Variants in CDH13 observed in about 807,000 individuals in gnomAD.
The protein encoded by CDH13 is cadherin 13, also known as cadherin-13.
CDH13 carries 24 observed loss-of-function variants against 63.8 expected under a neutral mutation model. The ratio of observed to expected loss-of-function variants is 0.38; its 90% confidence interval spans 0.27 to 0.53. The LOEUF (loss-of-function observed/expected upper bound fraction) is 0.53, where lower values mean the gene tolerates loss of function less well. CDH13 is among the 20% of genes least tolerant of loss of function. The pLI is 0.85. For synonymous variants in CDH13, 503 were observed against 355.3 expected (o/e 1.42, Z -4.67); for missense variants, 1,049 against 903.1 (o/e 1.16, Z -2.07).
chr16:83,230,411 C>T (rs1019354265), intron 5 of CDH13, among the ~76,000 whole-genome samples: 1 of 152,128 alleles, frequency 6.6e-6, no homozygotes, highest in African/African-American at 2.4e-5. Context: ...GGAAGAAGTT[C>T]TAGATCATAC....
intron 11 of CDH13, among the ~76,000 whole-genome samples, chr16:83,767,277 C>T (rs1914455111): frequency 6.6e-6 from 1 of 151,946 alleles, no homozygotes; most frequent in African/African-American, 2.4e-5. Context: ...TAATAATCCC[C>T]AAGTGTCGAG....
intron 3 of CDH13, among the ~76,000 whole-genome samples, chr16:83,107,363 G>A (rs1334027102): frequency 6.6e-6 from 1 of 152,078 alleles, no homozygotes; most frequent in Admixed American, 6.5e-5. Flanking sequence ...TCCTCAGCTA[G>A]TATAAATAGT....
At chr16:83,620,037 C>T (rs375612225) in intron 8 of CDH13, among the ~76,000 whole-genome samples, 1 of 151,082 alleles carries the variant, frequency 6.6e-6, no homozygotes, top group Non-Finnish European at 1.5e-5. Flanking sequence ...ATCTCACCCA[C>T]AAGACGAGGA....
chr16:82,734,441 C>G (rs558288934), intron 1 of CDH13, among the ~76,000 whole-genome samples: 1 of 152,114 alleles, frequency 6.6e-6, no homozygotes, highest in Admixed American at 6.5e-5. Flanking sequence ...GAGGCAGGTG[C>G]GCCTGCAACA....
chr16:82,997,479 G>A (rs1388282645), intron 2 of CDH13, among the ~76,000 whole-genome samples: 1 of 152,084 alleles, frequency 6.6e-6, no homozygotes, highest in Non-Finnish European at 1.5e-5. Context: ...AAAAATTAGT[G>A]CAAAAATCCA....
At chr16:83,784,488 C>T (rs1915745188) in intron 13 of CDH13, among the ~76,000 whole-genome samples, 1 of 151,976 alleles carries the variant, frequency 6.6e-6, no homozygotes, top group Admixed American at 6.6e-5. Context: ...AAAAATTAGC[C>T]AGCCATGGTG....
chr16:82,721,673 G>C (rs1380955348), intron 1 of CDH13, among the ~76,000 whole-genome samples: 1 of 152,140 alleles, frequency 6.6e-6, no homozygotes, highest in African/African-American at 2.4e-5. Context: ...CTTTGACAGA[G>C]AGAACTTGTG....
At chr16:83,588,451 A>T (rs1381811326) in intron 7 of CDH13, among the ~76,000 whole-genome samples, 1 of 152,124 alleles carries the variant, frequency 6.6e-6, no homozygotes, top group Non-Finnish European at 1.5e-5. Flanking sequence ...CCCCCAGGAG[A>T]TTTAGAATAA....
At chr16:82,661,456 A>G (rs1010748848) in intron 1 of CDH13, among the ~76,000 whole-genome samples, 1 of 152,228 alleles carries the variant, frequency 6.6e-6, no homozygotes, top group South Asian at 2.1e-4. Context: ...CTGAGTAAAG[A>G]GGTTGCTGCC....
intron 8 of CDH13, among the ~76,000 whole-genome samples, chr16:83,621,348 T>A (rs1909793528): frequency 6.6e-6 from 1 of 152,098 alleles, no homozygotes; most frequent in Non-Finnish European, 1.5e-5. Flanking sequence ...CCTATCCTGT[T>A]TTTCTTGTTA....
intron 5 of CDH13, among the ~76,000 whole-genome samples, chr16:83,244,947 C>T (rs1209895974): frequency 3.9e-5 from 6 of 152,004 alleles, no homozygotes; most frequent in Non-Finnish European, 5.9e-5. Flanking sequence ...TCAGCATAAG[C>T]CATATCTATT....
chr16:83,590,212 G>A (rs1484078465), intron 7 of CDH13, among the ~76,000 whole-genome samples: 1 of 152,170 alleles, frequency 6.6e-6, no homozygotes, highest in Non-Finnish European at 1.5e-5. Context: ...GGCTGGCTTT[G>A]GGGTGGAGAG....
chr16:82,708,919 G>C (rs554065745), intron 1 of CDH13, among the ~76,000 whole-genome samples: 1 of 152,180 alleles, frequency 6.6e-6, no homozygotes, highest in South Asian at 2.1e-4. Context: ...TTGTTTCTCA[G>C]TCTTTTATAC....
At chr16:82,819,383 T>A in intron 1 of CDH13, among the ~76,000 whole-genome samples, 1 of 152,176 alleles carries the variant, frequency 6.6e-6, no homozygotes, top group East Asian at 1.9e-4. Flanking sequence ...TAACAAATGC[T>A]GGAATTACTA....
At chr16:83,607,870 C>G (rs1269439883) in intron 8 of CDH13, among the ~76,000 whole-genome samples, 1 of 152,132 alleles carries the variant, frequency 6.6e-6, no homozygotes, top group African/African-American at 2.4e-5. Flanking sequence ...AAAACTTCAG[C>G]AGCCCCATTT....
intron 7 of CDH13, among the ~76,000 whole-genome samples, chr16:83,536,968 T>A (rs963428402): frequency 1.3e-5 from 2 of 152,214 alleles, no homozygotes; most frequent in Admixed American, 1.3e-4. Flanking sequence ...TTTCATCTTC[T>A]CAGTAAAGCA....
chr16:82,797,565 G>A (rs1177705710), intron 1 of CDH13, among the ~76,000 whole-genome samples: 3 of 152,074 alleles, frequency 2.0e-5, no homozygotes, highest in Non-Finnish European at 4.4e-5. Flanking sequence ...ACCATACCAT[G>A]TCAAGACTGC....
At chr16:83,119,777 C>T (rs2035481388) in intron 3 of CDH13, among the ~76,000 whole-genome samples, 1 of 152,178 alleles carries the variant, frequency 6.6e-6, no homozygotes, top group Non-Finnish European at 1.5e-5. Context: ...ATGGTTCTTA[C>T]ACGGTCCCAG....
intron 8 of CDH13, among the ~76,000 whole-genome samples, chr16:83,613,607 G>A (rs1909040427): frequency 6.6e-6 from 1 of 152,142 alleles, no homozygotes; most frequent in South Asian, 2.1e-4. Context: ...CCGGTGGGCA[G>A]ATCACTTGAG....
Sources: gnomAD v4.1 joint callset for allele counts (sites outside exome capture counted in the v4.1 genomes callset) on GRCh38, gnomAD v4.1.1 for gene constraint, MANE v1.5 for transcripts, NCBI Gene and HGNC (gene_info 2026-07-23, HGNC 2026-07-21) for gene names.